The following KLHL13 variants were observed in gnomAD, a reference collection of about 807,000 sequenced individuals.
KLHL13 encodes the protein kelch-like protein 13.
In KLHL13, 10 loss-of-function variants were observed where a neutral mutation model predicts 37.1. That is an observed-to-expected ratio of 0.27 (90% CI 0.17 to 0.46). The LOEUF (loss-of-function observed/expected upper bound fraction) is 0.46, where lower values mean the gene tolerates loss of function less well. KLHL13 is among the 20% of genes least tolerant of loss of function. The probability of loss-of-function intolerance (pLI) is 1.00; values close to 1 mark genes in which losing one functional copy is unlikely to be tolerated. For missense variants in KLHL13, 360 were observed against 509.3 expected (o/e 0.71, Z 2.82); for synonymous variants, 163 against 181.2 (o/e 0.90, Z 0.81).
chrX:118,099,906 A>AGAAG (rs1341529272), intron 1 of KLHL13, among the ~76,000 whole-genome samples: 5 of 91,247 alleles, frequency 5.5e-5, no homozygotes, highest in Non-Finnish European at 9.7e-5. Flanking sequence ...AAGGAAGGAA[A>AGAAG]GAAGGAAGGA....
In KLHL13 at chrX:117,958,025, A is replaced by G. The variant is rs1240039332; in HGVS notation, c.99-12450T>C. Among the ~76,000 whole-genome samples the G allele has an allele frequency of 2.7e-5, 3 of 111,808 alleles. No individual in the cohort carries two copies. In the East Asian group the frequency reaches 8.4e-4, roughly 31 times the overall value. ...GATTGCTTCTAGTAAAATTACTTTC[A>G]GTCTGTGCCAGTATCATGGTATTTC... On this transcript the variant is annotated intron_variant, in intron 1 of 6. Coordinates refer to ENST00000262820, the Ensembl canonical transcript of KLHL13.
In KLHL13 at chrX:117,923,751, G is replaced by A. The variant is rs773891465; in HGVS notation, c.241-3381C>T. Reference sequence around the variant, plus strand: ...ATATTCCATTCAAACTGCTTGTGGAGGTATGTAATCAATGCTCAAGATCTG... The same window carrying A: ...ATATTCCATTCAAACTGCTTGTGGAAGTATGTAATCAATGCTCAAGATCTG... On this transcript the variant is annotated intron_variant, in intron 2 of 6. Coordinates refer to ENST00000262820, the Ensembl canonical transcript of KLHL13. Among the ~76,000 whole-genome samples, 10 of 111,418 alleles carry A rather than the reference G, an allele frequency of 9.0e-5. No individual in the cohort carries two copies. In the South Asian group the frequency reaches 2.3e-3, roughly 25 times the overall value.
intron 1 of KLHL13, among the ~76,000 whole-genome samples, chrX:117,954,693 G>A (rs1178011964): frequency 8.9e-6 from 1 of 111,999 alleles, no homozygotes; most frequent in African/African-American, 3.2e-5. Context: ...AAGTGGGCTA[G>A]GAGAAACAGC....
chrX:118,086,918 G>A (rs1182071091), intron 1 of KLHL13, among the ~76,000 whole-genome samples: 1 of 110,850 alleles, frequency 9.0e-6, no homozygotes, highest in Non-Finnish European at 1.9e-5. Flanking sequence ...TACCTATGAT[G>A]AAATACAAAT....
chrX:118,107,655 A>C (rs2055360085), intron 1 of KLHL13, among the ~76,000 whole-genome samples: 1 of 112,197 alleles, frequency 8.9e-6, no homozygotes, highest in African/African-American at 3.2e-5. Context: ...CAAGGCTCAG[A>C]GAGGTGAAGC....
At chrX:118,106,424 A>C (rs2055347477) in intron 1 of KLHL13, among the ~76,000 whole-genome samples, 1 of 111,767 alleles carries the variant, frequency 8.9e-6, no homozygotes, top group South Asian at 3.7e-4. Context: ...CTAATGGTAG[A>C]GTAAGTCTAA....
intron 2 of KLHL13, among the ~76,000 whole-genome samples, chrX:117,927,723 G>T (rs776114808): frequency 1.8e-4 from 20 of 111,854 alleles, no homozygotes; most frequent in Admixed American, 4.7e-4. Context: ...AAAGAAACCA[G>T]CCCCAAAAGC....
chrX:117,912,647 C>T (rs1437067066), intron 4 of KLHL13, among the ~76,000 whole-genome samples: 1 of 112,249 alleles, frequency 8.9e-6, no homozygotes, highest in African/African-American at 3.2e-5. Context: ...CAAATAGCTG[C>T]CTACTTTTTT....
chrX:117,929,434 C>T (rs1356451235), intron 2 of KLHL13, among the ~76,000 whole-genome samples: 1 of 111,306 alleles, frequency 9.0e-6, no homozygotes, highest in African/African-American at 3.3e-5. Context: ...AAAATTTTAA[C>T]AAGCCAAATT....
At chrX:118,033,679 C>G (rs1470251158) in intron 1 of KLHL13, among the ~76,000 whole-genome samples, 6 of 108,726 alleles carry the variant, frequency 5.5e-5, no homozygotes, top group Admixed American at 3.0e-4. Flanking sequence ...GAAACTGCAT[C>G]AACTAACGAG....
chrX:118,076,547 T>C (rs1240145063), intron 1 of KLHL13, among the ~76,000 whole-genome samples: 1 of 111,354 alleles, frequency 9.0e-6, no homozygotes, highest in African/African-American at 3.3e-5. Context: ...TTGTGGAGCA[T>C]CTTGTAGAGA....
At chrX:118,022,675 A>T (rs1164862008) in intron 1 of KLHL13, among the ~76,000 whole-genome samples, 1 of 111,763 alleles carries the variant, frequency 8.9e-6, no homozygotes, top group Non-Finnish European at 1.9e-5. Flanking sequence ...GCTCATTTTT[A>T]AGTTGTGTTA....
chrX:117,998,882 T>A (rs1297362191), intron 1 of KLHL13, among the ~76,000 whole-genome samples: 1 of 110,455 alleles, frequency 9.1e-6, no homozygotes, highest in African/African-American at 3.3e-5. Context: ...AAATTATACA[T>A]ATTATATATA....
exon 1 of KLHL13, chrX:117,972,958 G>A: frequency 9.2e-7 from 1 of 1,081,553 alleles, no homozygotes; most frequent in Non-Finnish European, 1.2e-6. Flanking sequence ...TTCTGCCAGT[G>A]CCCTTAAACC....
intron 1 of KLHL13, among the ~76,000 whole-genome samples, chrX:118,020,155 C>G (rs1376728280): frequency 1.8e-5 from 2 of 108,208 alleles, no homozygotes; most frequent in Non-Finnish European, 3.8e-5. Context: ...TGTTTGTATC[C>G]TCTTTTATTT....
chrX:118,094,184 G>T, intron 1 of KLHL13, among the ~76,000 whole-genome samples: 1 of 111,073 alleles, frequency 9.0e-6, no homozygotes, highest in Non-Finnish European at 1.9e-5. Context: ...CCAATGCAGA[G>T]AAGTCCTTAA....
intron 1 of KLHL13, among the ~76,000 whole-genome samples, chrX:118,011,580 T>A (rs1252774763): frequency 9.4e-6 from 1 of 106,905 alleles, no homozygotes; most frequent in Non-Finnish European, 1.9e-5. Context: ...GCAGGGGGAG[T>A]GAATTGGAGA....
Position 118,033,133 on chromosome X carries a change from A to AG in KLHL13, c.-56+83374dup, listed in dbSNP as rs768075982. On this transcript the variant is annotated intron_variant, in intron 1 of 6. Coordinates refer to the KLHL13 transcript ENST00000371882. ...CGTCTGACTGGTGTACCTGAAAGTGAGGGGGGGGAATGGAACCAAGTTGGA... is the reference window on the plus strand; with the variant it reads ...CGTCTGACTGGTGTACCTGAAAGTGAGGGGGGGGGAATGGAACCAAGTTGGA... 7.9e-4 allele frequency among the ~76,000 whole-genome samples: 87 copies of AG among 110,507 alleles called. 1 individual carries two copies. Among genetic ancestry groups the AG allele is most frequent in the South Asian group, 7.4e-3 (19 of 2,575 alleles).
At chrX:117,904,691 T>C (rs182029163) in intron 5 of KLHL13, among the ~76,000 whole-genome samples, 8 of 112,313 alleles carry the variant, frequency 7.1e-5, no homozygotes, top group Admixed American at 2.8e-4. Context: ...AAAGCTTTAT[T>C]GGAGCACAGC....
Sources: allele counts gnomAD v4.1 joint callset (sites outside exome capture counted in the v4.1 genomes callset), GRCh38; gene constraint gnomAD v4.1.1; transcripts MANE v1.5; gene names NCBI Gene and HGNC (gene_info 2026-07-23, HGNC 2026-07-21).